The following RPS6KA2 variants were observed in gnomAD, a reference collection of about 807,000 sequenced individuals.
RPS6KA2 encodes ribosomal protein S6 kinase alpha-2.
In RPS6KA2, 42 loss-of-function variants were observed where a neutral mutation model predicts 91.8. The ratio of observed to expected loss-of-function variants is 0.46; its 90% confidence interval spans 0.36 to 0.59. The LOEUF is 0.59. Ranked by LOEUF, RPS6KA2 falls within the 20% of genes least tolerant of loss-of-function variation. RPS6KA2 has a pLI of 0.00. For synonymous variants in RPS6KA2, 414 were observed against 393.6 expected (o/e 1.05, Z -0.61); for missense variants, 798 against 978.5 (o/e 0.82, Z 2.46).
intron 2 of RPS6KA2, among the ~76,000 whole-genome samples, chr6:166,706,668 A>G (rs1789688834): frequency 6.6e-6 from 1 of 152,194 alleles, no homozygotes; most frequent in Non-Finnish European, 1.5e-5. Context: ...TACCCAGGCA[A>G]GGGGACAGCT....
intron 3 of RPS6KA2, among the ~76,000 whole-genome samples, chr6:166,511,590 A>G (rs1782480628): frequency 6.6e-6 from 1 of 152,216 alleles, no homozygotes; most frequent in Non-Finnish European, 1.5e-5. Flanking sequence ...TGCTACACCC[A>G]GGGCAGTATC....
chr6:166,714,957 G>A (rs574948547), intron 2 of RPS6KA2, among the ~76,000 whole-genome samples: 45 of 152,332 alleles, frequency 3.0e-4, no homozygotes, highest in African/African-American at 1.1e-3. Context: ...AGGCTGTACT[G>A]GGCACCCTCC....
intron 2 of RPS6KA2, among the ~76,000 whole-genome samples, chr6:166,794,683 T>G (rs1027570722): frequency 2.1e-4 from 31 of 151,216 alleles, no homozygotes; most frequent in African/African-American, 6.6e-4. Flanking sequence ...CCATAAAAAA[T>G]GATGAGTTCA....
intron 2 of RPS6KA2, among the ~76,000 whole-genome samples, chr6:166,727,611 A>C (rs1220489385): frequency 1.3e-5 from 2 of 152,062 alleles, no homozygotes; most frequent in African/African-American, 4.8e-5. Context: ...CGGCACTCTA[A>C]TGTACCAGCA....
At chr6:166,857,017 G>A (rs538966413) in intron 2 of RPS6KA2, among the ~76,000 whole-genome samples, 1 of 152,346 alleles carries the variant, frequency 6.6e-6, no homozygotes, top group East Asian at 1.9e-4. Flanking sequence ...GCACAGAACC[G>A]AAAGGCAGCT....
rs529406609 is a variant in RPS6KA2, at chr6:166,493,901, C to G, written c.748-3160G>C. Among the ~76,000 whole-genome samples the G allele has an allele frequency of 2.6e-5, 4 of 152,188 alleles. No homozygotes were observed. The highest frequency in any genetic ancestry group is 5.9e-5 in the Non-Finnish European group (4 of 68,034). On this transcript the variant is annotated intron_variant, in intron 8 of 20. Coordinates refer to ENST00000265678, the MANE Select transcript of RPS6KA2 (RefSeq NM_021135.6). This position sits in a 1 kb window ranked among gnomAD's most constrained non-coding sequence, Gnocchi z 4.7. ...GGCTGAGAAGCCCTGTCTAAAGGGACAGCTAAGGAACCTGGAAAGAGTGGC... is the reference window on the plus strand; with the variant it reads ...GGCTGAGAAGCCCTGTCTAAAGGGAGAGCTAAGGAACCTGGAAAGAGTGGC...
At chr6:166,850,853 G>A (rs536314962) in intron 2 of RPS6KA2, among the ~76,000 whole-genome samples, 25 of 152,240 alleles carry the variant, frequency 1.6e-4, no homozygotes, top group Middle Eastern at 3.4e-3. Flanking sequence ...AGAGATGCCT[G>A]TAGCACCGAG....
Position 166,733,809 on chromosome 6 carries a change from G to A in RPS6KA2, c.123+124391C>T, listed in dbSNP as rs549719147. On this transcript the variant is annotated intron_variant, in intron 2 of 21. Coordinates refer to the RPS6KA2 transcript ENST00000503859. The surrounding 1 kb of genome is among the most constrained non-coding windows in gnomAD (Gnocchi z 4.1). Reference sequence around the variant, plus strand: ...AGAGGAAGAGAGAAGTAAAAGGAAGGTTTCTGCGTTTTTCTGTTTATAAAG... The same window carrying A: ...AGAGGAAGAGAGAAGTAAAAGGAAGATTTCTGCGTTTTTCTGTTTATAAAG... Among the ~76,000 whole-genome samples the A allele has an allele frequency of 2.0e-5, 3 of 152,308 alleles. No homozygotes were observed. Among genetic ancestry groups the A allele is most frequent in the East Asian group, 3.9e-4 (2 of 5,190 alleles).
rs1175415019 is a variant in RPS6KA2, at chr6:166,493,864, C to T, written c.748-3123G>A. On this transcript the variant is annotated intron_variant, in intron 8 of 20. Coordinates refer to ENST00000265678, the MANE Select transcript of RPS6KA2 (RefSeq NM_021135.6). This position sits in a 1 kb window ranked among gnomAD's most constrained non-coding sequence, Gnocchi z 4.7. The stretch of plus-strand genomic sequence containing the variant: ...CAACAAGGAAGTGTCCAGTCCCGAC[C>T]TCAACAGTGCTGGCTGAGAAGCCCT... 6.6e-6 allele frequency among the ~76,000 whole-genome samples: 1 copy of T among 152,164 alleles called. No individual in the cohort carries two copies. Among genetic ancestry groups the T allele is most frequent in the Non-Finnish European group, 1.5e-5 (1 of 68,020 alleles).
At chr6:166,777,357 C>A (rs932866819) in intron 2 of RPS6KA2, among the ~76,000 whole-genome samples, 1 of 152,156 alleles carries the variant, frequency 6.6e-6, no homozygotes, top group Non-Finnish European at 1.5e-5. Flanking sequence ...TGGTCTGGTG[C>A]CAGGAACATG....
intron 10 of RPS6KA2, among the ~76,000 whole-genome samples, chr6:166,483,555 G>A (rs764600688): frequency 2.6e-5 from 4 of 152,250 alleles, no homozygotes; most frequent in Non-Finnish European, 4.4e-5. Flanking sequence ...GACCAAAAAT[G>A]TCGTGCTAAC....
At chr6:166,667,409 A>T (rs897851827) in intron 2 of RPS6KA2, among the ~76,000 whole-genome samples, 9 of 152,196 alleles carry the variant, frequency 5.9e-5, no homozygotes, top group Non-Finnish European at 1.0e-4. Context: ...ACCTAATGAA[A>T]ATTACTAATT....
At chr6:166,453,582 T>C (rs185935641) in intron 12 of RPS6KA2, among the ~76,000 whole-genome samples, 1 of 152,240 alleles carries the variant, frequency 6.6e-6, no homozygotes, top group East Asian at 1.9e-4. Flanking sequence ...CAGATGTTGG[T>C]GAGGATGTGG....
chr6:166,821,755 G>C lies in RPS6KA2; in HGVS notation c.123+36445C>G, dbSNP rs932860632. Among the ~76,000 whole-genome samples, 1 of 152,026 alleles carries C rather than the reference G, an allele frequency of 6.6e-6. No homozygotes were observed. The highest frequency in any genetic ancestry group is 2.4e-5 in the African/African-American group (1 of 41,398). ...TTTGCTGAGGATGCCCAGTAGTAAG[G>C]CCCTGACCCTTCTGTGACCTCCCTC... On this transcript the variant is annotated intron_variant, in intron 2 of 21. Transcript: ENST00000503859. This position sits in a 1 kb window ranked among gnomAD's most constrained non-coding sequence, Gnocchi z 4.1.
chr6:166,624,545 A>T (rs745873160), intron 1 of RPS6KA2, among the ~76,000 whole-genome samples: 10 of 152,222 alleles, frequency 6.6e-5, no homozygotes, highest in Non-Finnish European at 1.2e-4. Flanking sequence ...GCACAAAGTC[A>T]GCTGCTTGTG....
chr6:166,634,476 TAC>T (rs1209049864), intron 2 of RPS6KA2, among the ~76,000 whole-genome samples: 1 of 152,230 alleles, frequency 6.6e-6, no homozygotes, highest in African/African-American at 2.4e-5. Flanking sequence ...GCTGAGCTTT[TAC>T]ACAGTTCACT....
intron 16 of RPS6KA2, among the ~76,000 whole-genome samples, chr6:166,424,537 A>C (rs1401227378): frequency 1.3e-5 from 2 of 152,226 alleles, no homozygotes; most frequent in Non-Finnish European, 2.9e-5. Context: ...CCTCCCTGTG[A>C]GGCCAGGGCT....
At chr6:166,528,873 A>G (rs1189248124) in intron 3 of RPS6KA2, among the ~76,000 whole-genome samples, 2 of 152,182 alleles carry the variant, frequency 1.3e-5, no homozygotes, top group African/African-American at 2.4e-5. Context: ...ACAATGAGAT[A>G]CCATCTCACA....
chr6:166,747,792 C>T (rs895744020), intron 2 of RPS6KA2, among the ~76,000 whole-genome samples: 5 of 152,214 alleles, frequency 3.3e-5, no homozygotes, highest in Admixed American at 1.3e-4. Flanking sequence ...CCCATGGGTA[C>T]GCCTAGCTGG....
Sources: gnomAD v4.1 joint callset for allele counts (sites outside exome capture counted in the v4.1 genomes callset) on GRCh38, gnomAD v4.1.1 for gene constraint, Gnocchi (gnomAD v3.1) non-coding constraint, MANE v1.5 for transcripts, NCBI Gene and HGNC (gene_info 2026-07-23, HGNC 2026-07-21) for gene names.